Variants in RAD51B observed in about 807,000 individuals in gnomAD.
RAD51B encodes the protein DNA repair protein RAD51 homolog 2.
In RAD51B, 38 loss-of-function variants were observed where a neutral mutation model predicts 42.2. The ratio of observed to expected loss-of-function variants is 0.90; its 90% confidence interval spans 0.70 to 1.18. The LOEUF (loss-of-function observed/expected upper bound fraction) is 1.18, where lower values mean the gene tolerates loss of function less well. RAD51B is among the 50% of genes most tolerant of loss of function. The pLI, the probability that RAD51B is intolerant of heterozygous loss-of-function variation, is 0.00. For synonymous variants in RAD51B, 154 were observed against 145.2 expected, an observed-to-expected ratio of 1.06 and a Z score of -0.43; for missense variants, 373 against 400.7, an observed-to-expected ratio of 0.93 and a Z score of 0.59.
At chr14:67,858,106 C>T (rs868178423) in intron 4 of RAD51B, 2 of 152,508 alleles carry the variant, frequency 1.3e-5, no homozygotes, top group South Asian at 4.1e-4. Context: ...TTACAGTACT[C>T]TCTTAGTTCT....
At chr14:68,122,151 GTTAT>G (rs1180269610) in intron 7 of RAD51B, among the ~76,000 whole-genome samples, 7 of 151,978 alleles carry the variant, frequency 4.6e-5, no homozygotes, top group African/African-American at 1.7e-4. Flanking sequence ...AATATCTAAG[GTTAT>G]TTAAGATAAT....
intron 10 of RAD51B, among the ~76,000 whole-genome samples, chr14:68,499,499 G>A (rs560879826): frequency 1.3e-5 from 2 of 152,324 alleles, no homozygotes; most frequent in South Asian, 4.1e-4. Context: ...GTTAGTGGAT[G>A]CAGTAGGTTA....
chr14:67,874,986 A>G (rs1485639505), intron 5 of RAD51B, among the ~76,000 whole-genome samples: 2 of 152,204 alleles, frequency 1.3e-5, no homozygotes, highest in Non-Finnish European at 2.9e-5. Flanking sequence ...GATAAAGGAA[A>G]GTAAAGTTGG....
chr14:67,945,623 A>G (rs983976182), intron 7 of RAD51B, among the ~76,000 whole-genome samples: 3 of 152,106 alleles, frequency 2.0e-5, no homozygotes, highest in African/African-American at 7.2e-5. Flanking sequence ...GGCACACGCC[A>G]CCACGCCCAG....
chr14:68,430,049 G>A (rs1413412643), intron 9 of RAD51B, among the ~76,000 whole-genome samples: 1 of 152,190 alleles, frequency 6.6e-6, no homozygotes, highest in Non-Finnish European at 1.5e-5. Context: ...TCAAAGATCA[G>A]ATGGTTGTAG....
chr14:68,640,147 C>T (rs1892426978), intron 10 of RAD51B, among the ~76,000 whole-genome samples: 1 of 152,176 alleles, frequency 6.6e-6, no homozygotes, highest in Non-Finnish European at 1.5e-5. Context: ...TTCCCTAATA[C>T]TTTCCGTAAG....
intron 7 of RAD51B, among the ~76,000 whole-genome samples, chr14:68,098,680 C>A (rs2077237821): frequency 6.6e-6 from 1 of 152,158 alleles, no homozygotes; most frequent in South Asian, 2.1e-4. Context: ...GATTATCTCC[C>A]ACCAGGTCCC....
rs2078948304 is a variant in RAD51B at position 68,175,579 on chromosome 14, T to A, written c.757-116305T>A. 2.0e-5 allele frequency among the ~76,000 whole-genome samples: 3 copies of A among 152,326 alleles called. No individual in the cohort carries two copies. In the South Asian group the frequency reaches 6.2e-4, roughly 32 times the overall value. On this transcript the variant is annotated intron_variant, in intron 7 of 10. Transcript: ENST00000471583. Reference sequence around the variant, plus strand: ...GATTCATTTCTTTCTAAATGAGTGCTGGGGCATGATACTAAGTGTGCCCAT... The same window carrying A: ...GATTCATTTCTTTCTAAATGAGTGCAGGGGCATGATACTAAGTGTGCCCAT...
chr14:68,356,977 C>T (rs1202792478), intron 8 of RAD51B, among the ~76,000 whole-genome samples: 2 of 82,952 alleles, frequency 2.4e-5, no homozygotes, highest in Non-Finnish European at 4.7e-5. Context: ...AGCGAGACTC[C>T]GTCTCAAAAA....
chr14:68,034,034 A>G (rs10132022), intron 7 of RAD51B, among the ~76,000 whole-genome samples: 46,862 of 151,920 alleles, frequency 0.31, 9,890 homozygotes, highest in African/African-American at 0.6. Context: ...CTATATGTTA[A>G]TTTTCCTTGC....
chr14:68,131,925 G>C (rs1209512066), intron 7 of RAD51B, among the ~76,000 whole-genome samples: 2 of 152,190 alleles, frequency 1.3e-5, no homozygotes, highest in East Asian at 3.8e-4. Flanking sequence ...GTTTAAGATA[G>C]ACTTGTTTAA....
intron 11 of RAD51B, among the ~76,000 whole-genome samples, chr14:68,662,741 G>A (rs930749466): frequency 6.6e-6 from 1 of 152,162 alleles, no homozygotes; most frequent in African/African-American, 2.4e-5. Flanking sequence ...GATTCCTAAC[G>A]ATCATCACTT....
At chr14:68,459,902 A>G (rs572702248) in intron 9 of RAD51B, among the ~76,000 whole-genome samples, 2 of 152,090 alleles carry the variant, frequency 1.3e-5, no homozygotes, top group East Asian at 1.9e-4. Context: ...CTCCCAACCA[A>G]TGTGAGATTT....
chr14:68,119,829 T>C (rs1755996793), intron 7 of RAD51B, among the ~76,000 whole-genome samples: 1 of 149,760 alleles, frequency 6.7e-6, no homozygotes, highest in East Asian at 2.0e-4. Flanking sequence ...TTTGGGTATA[T>C]ACCCAGTAAT....
intron 7 of RAD51B, among the ~76,000 whole-genome samples, chr14:68,232,256 G>C (rs1342876472): frequency 2.0e-5 from 3 of 152,074 alleles, no homozygotes; most frequent in Non-Finnish European, 4.4e-5. Flanking sequence ...CCCCAGTAAA[G>C]GGAATTGGAA....
chr14:68,559,138 CA>C (rs565806386), intron 10 of RAD51B, among the ~76,000 whole-genome samples: 13 of 150,908 alleles, frequency 8.6e-5, no homozygotes, highest in African/African-American at 2.9e-4. Flanking sequence ...TATATACACA[CA>C]AAAAAACCTG....
At chr14:68,345,696 G>A (rs1443482933) in intron 8 of RAD51B, among the ~76,000 whole-genome samples, 1 of 148,162 alleles carries the variant, frequency 6.7e-6, no homozygotes, top group African/African-American at 2.5e-5. Flanking sequence ...TTGCTCTGTT[G>A]CCCAGGCTGG....
chr14:68,487,987 A>G (rs2140275809), intron 10 of RAD51B, among the ~76,000 whole-genome samples: 1 of 152,230 alleles, frequency 6.6e-6, no homozygotes, highest in South Asian at 2.1e-4. Flanking sequence ...AAAAAAGTAG[A>G]TGCTGGCCAA....
At chr14:67,850,187 T>C (rs2041758145) in intron 4 of RAD51B, among the ~76,000 whole-genome samples, 1 of 152,100 alleles carries the variant, frequency 6.6e-6, no homozygotes, top group African/African-American at 2.4e-5. Context: ...GTATAGACAG[T>C]GTCCCACCGT....
Sources: allele counts gnomAD v4.1 joint callset (sites outside exome capture counted in the v4.1 genomes callset), GRCh38; gene constraint gnomAD v4.1.1; transcripts MANE v1.5; gene names NCBI Gene and HGNC (gene_info 2026-07-23, HGNC 2026-07-21).